NEK11: variants seen among roughly 807,000 people sequenced by gnomAD.
The protein encoded by NEK11 is NIMA related kinase 11, also known as serine/threonine-protein kinase Nek11.
Under a neutral mutation model 80.7 loss-of-function variants are expected in NEK11, and 72 were observed. That is an observed-to-expected ratio of 0.89 (90% CI 0.74 to 1.08). The LOEUF (loss-of-function observed/expected upper bound fraction) is 1.08, where lower values mean the gene tolerates loss of function less well. Among genes scored for constraint, NEK11 ranks in the 50% least tolerant of loss-of-function variants. The pLI is 0.00. For synonymous variants in NEK11, 251 were observed against 260.7 expected (o/e 0.96, Z 0.36); for missense variants, 764 against 763.6 (o/e 1.00, Z -0.01).
At chr3:131,037,288 AT>A (rs11391510) in intron 3 of NEK11, among the ~76,000 whole-genome samples, 25,896 of 146,026 alleles carry the variant, frequency 0.18, 2,266 homozygotes, top group Non-Finnish European at 0.21. Context: ...AACTTCATCC[AT>A]TTTTTTTTTT....
chr3:131,133,431 C>T lies in NEK11; in HGVS notation c.521-399C>T, dbSNP rs6772710. On this transcript the variant is annotated intron_variant, in intron 6 of 17. Coordinates refer to ENST00000383366, the MANE Select transcript of NEK11 (RefSeq NM_024800.5). ...ATAGTCTCAGATCTTTTCTTTAAAA[C>T]GCTCCATTATTGTAAATTTAAGAAC... is the stretch of plus-strand genomic sequence containing the variant. 3,168 of 332,388 alleles carry T rather than the reference C, an allele frequency of 9.5e-3. 104 individuals are homozygous for T. Among genetic ancestry groups the T allele is most frequent in the African/African-American group, 0.065 (2,927 of 45,218 alleles). 20.6% of individuals were successfully genotyped at this position (332,388 alleles called of 1,614,324 possible).
intron 4 of NEK11, among the ~76,000 whole-genome samples, chr3:131,100,772 G>C (rs1325900318): frequency 6.6e-6 from 1 of 152,126 alleles, no homozygotes; most frequent in Non-Finnish European, 1.5e-5. Flanking sequence ...AATTAGGGAG[G>C]AGCCCCTCCT....
intron 17 of NEK11, among the ~76,000 whole-genome samples, chr3:131,323,082 T>C (rs571635424): frequency 3.9e-5 from 6 of 152,286 alleles, no homozygotes; most frequent in African/African-American, 7.2e-5. Context: ...CTAAGAAAGC[T>C]TGGCAGAATA....
chr3:131,135,730 T>C (rs1227928191), intron 7 of NEK11, among the ~76,000 whole-genome samples: 4 of 152,020 alleles, frequency 2.6e-5, no homozygotes, highest in African/African-American at 9.7e-5. Flanking sequence ...TAGTTTAAGG[T>C]TATATGGTAT....
At chr3:131,168,374 T>G (rs2092421094) in intron 12 of NEK11, among the ~76,000 whole-genome samples, 1 of 150,668 alleles carries the variant, frequency 6.6e-6, no homozygotes, top group Non-Finnish European at 1.5e-5. Flanking sequence ...TATTTTTTTT[T>G]GAGACGGAGT....
At chr3:131,254,265 G>A (rs1456843092) in intron 16 of NEK11, among the ~76,000 whole-genome samples, 3 of 152,170 alleles carry the variant, frequency 2.0e-5, no homozygotes, top group African/African-American at 4.8e-5. Flanking sequence ...CAATGTGTCA[G>A]TAACCAAAGT....
At chr3:131,118,291 T>G (rs2081663863) in intron 5 of NEK11, among the ~76,000 whole-genome samples, 1 of 152,192 alleles carries the variant, frequency 6.6e-6, no homozygotes, top group Admixed American at 6.5e-5. Context: ...GATTTGCATA[T>G]GTTGAACCAG....
At position 131,276,784 on chromosome 3, in the gene NEK11, C is replaced by T. The variant is rs1182763489; in HGVS notation, c.1718+3210C>T. ...TGATTGAATTCAGGAAATTTCACAT[C>T]AGTACATACTATTATTTAACATACA... On this transcript the variant is annotated intron_variant, in intron 17 of 17. Transcript: ENST00000383366. Among the ~76,000 whole-genome samples the T allele has an allele frequency of 1.2e-4, 19 of 152,108 alleles. 1 individual carries two copies. Among genetic ancestry groups the T allele is most frequent in the Admixed American group, 1.2e-3 (19 of 15,268 alleles).
At chr3:131,223,371 G>T (rs2095088599) in intron 14 of NEK11, among the ~76,000 whole-genome samples, 1 of 152,156 alleles carries the variant, frequency 6.6e-6, no homozygotes. Context: ...TGGCAGAATG[G>T]CACTTTTCCC....
intron 14 of NEK11, among the ~76,000 whole-genome samples, chr3:131,192,680 AC>A (rs1162942028): frequency 1.3e-5 from 2 of 152,214 alleles, no homozygotes; most frequent in Non-Finnish European, 2.9e-5. Flanking sequence ...AATAAGCCAG[AC>A]ACAAGGGGAC....
At chr3:131,128,956 G>T (rs1176979503) in intron 5 of NEK11, among the ~76,000 whole-genome samples, 4 of 151,628 alleles carry the variant, frequency 2.6e-5, no homozygotes, top group Admixed American at 1.3e-4. Context: ...TATCATCTTT[G>T]GTTAGGTGTC....
At chr3:131,204,030 G>A (rs532210994) in intron 14 of NEK11, among the ~76,000 whole-genome samples, 3 of 151,788 alleles carry the variant, frequency 2.0e-5, no homozygotes, top group East Asian at 2.0e-4. Flanking sequence ...GAGGCCAAAT[G>A]GAATCTGAAC....
At chr3:131,340,757 T>C (rs2097271631) in intron 17 of NEK11, among the ~76,000 whole-genome samples, 1 of 152,158 alleles carries the variant, frequency 6.6e-6, no homozygotes, top group Admixed American at 6.5e-5. Context: ...TCCTGAAACC[T>C]GGACTCTAGT....
chr3:131,073,345 A>G (rs1024697200), intron 3 of NEK11, among the ~76,000 whole-genome samples: 3 of 152,206 alleles, frequency 2.0e-5, no homozygotes, highest in Non-Finnish European at 2.9e-5. Flanking sequence ...GCAATTTGCA[A>G]TGATTTGTTA....
intron 15 of NEK11, among the ~76,000 whole-genome samples, chr3:131,238,160 A>G (rs1372769318): frequency 6.6e-6 from 1 of 152,154 alleles, no homozygotes; most frequent in Non-Finnish European, 1.5e-5. Context: ...GTCTCTGTTT[A>G]TATGTCATCT....
chr3:131,282,780 A>G (rs1436572312), intron 17 of NEK11, among the ~76,000 whole-genome samples: 1 of 152,224 alleles, frequency 6.6e-6, no homozygotes, highest in Non-Finnish European at 1.5e-5. Context: ...AACCTGATAT[A>G]TAGCTCATGG....
intron 17 of NEK11, among the ~76,000 whole-genome samples, chr3:131,278,577 C>T (rs1467717082): frequency 6.6e-6 from 1 of 151,508 alleles, no homozygotes; most frequent in African/African-American, 2.4e-5. Flanking sequence ...TGTTTTTTTA[C>T]ACCTCAAGCC....
At chr3:131,202,167 C>T (rs1160840350) in intron 14 of NEK11, among the ~76,000 whole-genome samples, 1 of 152,112 alleles carries the variant, frequency 6.6e-6, no homozygotes, top group East Asian at 1.9e-4. Flanking sequence ...TTTGCAGGTC[C>T]CAGCATGATC....
At chr3:131,266,500 A>C (rs1342402815) in intron 16 of NEK11, among the ~76,000 whole-genome samples, 2 of 152,122 alleles carry the variant, frequency 1.3e-5, no homozygotes, top group African/African-American at 2.4e-5. Context: ...TTCAGTTTCC[A>C]TGTAGTTGTG....
Sources: gnomAD v4.1 joint callset for allele counts (sites outside exome capture counted in the v4.1 genomes callset) on GRCh38, gnomAD v4.1.1 for gene constraint, MANE v1.5 for transcripts, NCBI Gene and HGNC (gene_info 2026-07-23, HGNC 2026-07-21) for gene names.